Variants in SASH1 observed in about 807,000 individuals in gnomAD.
The protein encoded by SASH1 is SAM and SH3 domain-containing protein 1.
In SASH1, 44 loss-of-function variants were observed where a neutral mutation model predicts 125.2. The observed-to-expected ratio is 0.35, with a 90% confidence interval of 0.28 to 0.45. The LOEUF is 0.45. Among genes scored for constraint, SASH1 ranks in the 20% least tolerant of loss-of-function variants. The pLI is 1.00. For synonymous variants in SASH1, 639 were observed against 649.1 expected, an observed-to-expected ratio of 0.98 and a Z score of 0.24; for missense variants, 1,426 against 1,614.5, an observed-to-expected ratio of 0.88 and a Z score of 2.00.
At chr6:148,233,908 G>C in the SASH1 span, among the ~76,000 whole-genome samples, 1 of 148,166 alleles carries the variant, frequency 6.7e-6, no homozygotes, top group Admixed American at 6.7e-5. Flanking sequence ...GTGAGACTCT[G>C]TTTCCAAAAA....
intron 1 of SASH1, among the ~76,000 whole-genome samples, chr6:148,387,285 T>A (rs994038443): frequency 6.6e-6 from 1 of 151,574 alleles, no homozygotes; most frequent in Admixed American, 6.6e-5. Flanking sequence ...GCCCAGCTAA[T>A]TTTTTTGTAT....
intron 7 of SASH1, among the ~76,000 whole-genome samples, chr6:148,476,892 G>C (rs114454319): frequency 0.025 from 3,809 of 152,146 alleles, 173 homozygotes; most frequent in African/African-American, 0.086. Context: ...ATAGAATAGA[G>C]AGCCCGGAAA....
At chr6:148,508,698 C>T (rs961157448) in intron 8 of SASH1, 38 of 1,189,082 alleles carry the variant, frequency 3.2e-5, no homozygotes, top group East Asian at 6.0e-5. Flanking sequence ...TGAGCTGTGA[C>T]GGTGGAGCCT....
intron 4 of SASH1, among the ~76,000 whole-genome samples, chr6:148,452,673 G>T (rs530859466): frequency 6.7e-6 from 1 of 150,172 alleles, no homozygotes; most frequent in Non-Finnish European, 1.5e-5. Flanking sequence ...TGCCTGGCAC[G>T]CGATAGGTGC....
intron 7 of SASH1, among the ~76,000 whole-genome samples, chr6:148,483,712 G>A (rs906563435): frequency 6.6e-6 from 1 of 152,172 alleles, no homozygotes; most frequent in Admixed American, 6.5e-5. Context: ...GCTTCTTTTA[G>A]TCATGTTCTC....
chr6:148,544,882 T>A lies in SASH1; in HGVS notation c.3348+64T>A. The A allele has an allele frequency of 6.8e-7, 1 of 1,468,128 alleles. No homozygotes were observed. The highest frequency in any genetic ancestry group is 1.4e-5 in the South Asian group (1 of 72,162). The allele number at this position is 1,468,128 out of a possible 1,614,324, so 90.9% of individuals were successfully genotyped here. On this transcript the variant is annotated intron_variant, in intron 18 of 19. Transcript: ENST00000367467. This position sits in a 1 kb window ranked among gnomAD's most constrained non-coding sequence, Gnocchi z 6.4. ...TGTTTGTAGAAGTCAGGCAGCCAGG[T>A]GAGATGAACCCACATCTGAAGCCAG...
chr6:148,534,444 T>C (rs1781716595), intron 15 of SASH1, among the ~76,000 whole-genome samples: 1 of 152,170 alleles, frequency 6.6e-6, no homozygotes, highest in Non-Finnish European at 1.5e-5. Flanking sequence ...GAGTCTCCTC[T>C]GTTGTGGGCT....
At chr6:148,508,874 GC>G in intron 8 of SASH1, 1 of 1,286,594 alleles carries the variant, frequency 7.8e-7, no homozygotes, top group Non-Finnish European at 1.0e-6. Flanking sequence ...AAATGCCGAA[GC>G]CGGTAAGTCA....
At chr6:148,471,383 GTTCTTTTT>G in intron 5 of SASH1, 26 bp from the exon 6 acceptor site, 1 of 736,272 alleles carries the variant, frequency 1.4e-6, no homozygotes, top group South Asian at 2.7e-5. Context: ...TGTGCTTTTT[GTTCTTTTT>G]TTTTTTTTTT....
intron 1 of SASH1, among the ~76,000 whole-genome samples, chr6:148,368,666 A>G (rs1023193445): frequency 1.3e-4 from 19 of 151,680 alleles, no homozygotes; most frequent in Admixed American, 5.9e-4. Flanking sequence ...ATGATGTACA[A>G]GAATACCGAC....
intron 1 of SASH1, among the ~76,000 whole-genome samples, chr6:148,387,589 T>TTTCTTTCTTTC (rs1783459803): frequency 1.2e-4 from 1 of 8,382 alleles, no homozygotes; most frequent in African/African-American, 6.9e-4. Context: ...TCTTTCTTTC[T>TTTCTTTCTTTC]TTCTTTCTTT....
At position 148,337,328 on chromosome 6, in the gene SASH1, A is replaced by G. The variant is rs1176813525; in HGVS notation, n.75-52806A>G. ...AAGCTCCGCCTCCCAGGTTCATGCCATTCTCCTGCTTCAGCCTCCCAAATA... is the reference window on the plus strand; with the variant it reads ...AAGCTCCGCCTCCCAGGTTCATGCCGTTCTCCTGCTTCAGCCTCCCAAATA... On this transcript the variant is annotated intron_variant and non_coding_transcript_variant, in intron 1 of 3. Transcript: ENST00000367469. Among the ~76,000 whole-genome samples the G allele has an allele frequency of 1.3e-5, 2 of 150,044 alleles. 1 individual carries two copies.
chr6:148,515,500 C>A (rs1191531945), intron 9 of SASH1, among the ~76,000 whole-genome samples: 1 of 151,886 alleles, frequency 6.6e-6, no homozygotes, highest in Non-Finnish European at 1.5e-5. Flanking sequence ...TAGAATAATA[C>A]CGAAGCTAAG....
intron 8 of SASH1, chr6:148,508,367 C>T: frequency 3.7e-6 from 2 of 541,032 alleles, no homozygotes; most frequent in Non-Finnish European, 4.7e-6. Context: ...AGTTCAGTCA[C>T]TTTTAAGGGT....
chr6:148,450,244 C>T (rs1457890972), intron 4 of SASH1, among the ~76,000 whole-genome samples: 9 of 152,190 alleles, frequency 5.9e-5, no homozygotes, highest in Non-Finnish European at 1.0e-4. Flanking sequence ...AGGGGATGCT[C>T]AGCTCTCCCC....
At chr6:148,518,005 A>G (rs1051173140) in intron 9 of SASH1, among the ~76,000 whole-genome samples, 1 of 152,202 alleles carries the variant, frequency 6.6e-6, no homozygotes, top group Non-Finnish European at 1.5e-5. Flanking sequence ...TGCCCCTGCC[A>G]CAGGTTGTGC....
chr6:148,252,510 G>A, the SASH1 span, among the ~76,000 whole-genome samples: 1 of 148,376 alleles, frequency 6.7e-6, no homozygotes, highest in African/African-American at 2.5e-5. Flanking sequence ...ACAGAGTCTC[G>A]CTTTGTCGCC....
chr6:148,317,367 G>A (rs1043836415), intron 1 of SASH1, among the ~76,000 whole-genome samples: 23 of 152,230 alleles, frequency 1.5e-4, no homozygotes, highest in African/African-American at 5.1e-4. Flanking sequence ...ATCAAAAGAA[G>A]TGGTTCCTGA....
At chr6:148,506,552 A>T (rs1227135108) in intron 8 of SASH1, among the ~76,000 whole-genome samples, 1 of 152,208 alleles carries the variant, frequency 6.6e-6, no homozygotes, top group African/African-American at 2.4e-5. Context: ...TCAGGTACGC[A>T]GTATTTAATA....
Sources: gnomAD v4.1 joint callset for allele counts (sites outside exome capture counted in the v4.1 genomes callset) on GRCh38, gnomAD v4.1.1 for gene constraint, Gnocchi (gnomAD v3.1) non-coding constraint, MANE v1.5 for transcripts, NCBI Gene and HGNC (gene_info 2026-07-23, HGNC 2026-07-21) for gene names.